The following VASH1 variants were observed in gnomAD, a reference collection of about 807,000 sequenced individuals.
VASH1 encodes tubulinyl-Tyr carboxypeptidase 1.
VASH1 carries 16 observed loss-of-function variants against 35.0 expected under a neutral mutation model. The observed-to-expected ratio is 0.46, with a 90% CI of 0.31 to 0.70. The LOEUF (loss-of-function observed/expected upper bound fraction) is 0.70. VASH1 is among the 30% of genes least tolerant of loss of function. The pLI is 0.05. For missense variants in VASH1, 505 were observed against 510.7 expected (o/e 0.99, Z 0.11); for synonymous variants, 214 against 200.9 (o/e 1.07, Z -0.55).
intron 1 of VASH1, among the ~76,000 whole-genome samples, chr14:76,764,521 TA>T (rs1893590376): frequency 6.6e-6 from 1 of 152,176 alleles, no homozygotes; most frequent in Non-Finnish European, 1.5e-5. Context: ...TTGACATTGG[TA>T]GGGGTCACCT....
Position 76,778,968 on chromosome 14 carries a change from T to G in VASH1, c.1048T>G (p.Ser350Ala). 6.2e-7 allele frequency: 1 copy of G among 1,614,180 alleles called. No homozygotes were observed. Among genetic ancestry groups the G allele is most frequent in the Non-Finnish European group, 8.5e-7 (1 of 1,180,026 alleles). ...ERRPSGDKKT[S>A]EPKAMPDLNG... ...CAGGCCCTCGGGTGACAAGAAGACT[T>G]CCGAGCCCAAAGCCATGCCAGACCT... Residue 350 changes from serine (S) to alanine (A), a missense_variant, in exon 7 of 7, where the codon TCC becomes GCC. Transcript: ENST00000167106.
intron 1 of VASH1, chr14:76,769,554 G>T: frequency 1.7e-6 from 2 of 1,182,516 alleles, no homozygotes; most frequent in Non-Finnish European, 2.2e-6. Flanking sequence ...TGGGACCCCG[G>T]ATATACCAGC....
Position 76,773,187 on chromosome 14 carries a change from G to A in VASH1, c.506G>A (p.Cys169Tyr). 6.2e-7 allele frequency: 1 copy of A among 1,614,120 alleles called. No homozygotes were observed. Among genetic ancestry groups the A allele is most frequent in the Non-Finnish European group, 8.5e-7 (1 of 1,180,022 alleles). ...EMTKEALPIK[C>Y]LEAVILGIYL... ...ACCAAAGAGGCCCTGCCAATCAAAT[G>A]CCTGGAAGCCGTGATCCTGGGAATG... The change falls in exon 4 of 7, where the codon TGC becomes TAC. Residue 169 changes from cysteine (C) to tyrosine (Y), a missense_variant. Coordinates refer to ENST00000167106, the MANE Select transcript of VASH1 (RefSeq NM_014909.5).
At position 76,773,561 on chromosome 14, in the gene VASH1, C is replaced by T. The variant is rs1052154441; in HGVS notation, c.530+350C>T. On this transcript the variant is annotated intron_variant, in intron 4 of 6. Coordinates refer to ENST00000167106, the MANE Select transcript of VASH1 (RefSeq NM_014909.5). ...CAAGAACTAGACAGTCTGGGAGGCA[C>T]AGTTGGAATGCCCAGATGTTGGCAT... 5 of 381,566 alleles carry T rather than the reference C, an allele frequency of 1.3e-5. No homozygotes were observed. In the Admixed American group the frequency reaches 1.3e-4, roughly 10 times the overall value. 23.6% of individuals were successfully genotyped at this position (381,566 alleles called of 1,614,324 possible). A position where few individuals can be genotyped will look rare whatever the true frequency, so the allele number is the denominator to read the frequency against.
At chr14:76,764,608 G>A (rs11627136) in intron 1 of VASH1, among the ~76,000 whole-genome samples, 1 of 151,654 alleles carries the variant, frequency 6.6e-6, no homozygotes. Flanking sequence ...TTGTGGGGAA[G>A]AAATGAGAGA....
chr14:76,769,477 G>T (rs1893732227), intron 1 of VASH1: 4 of 1,288,720 alleles, frequency 3.1e-6, no homozygotes, highest in Non-Finnish European at 4.0e-6. Context: ...TACTGGGTGG[G>T]TCCCCTACCA....
intron 6 of VASH1, 67 bp from the exon 7 acceptor site, chr14:76,778,879 G>C (rs1239492266): frequency 6.6e-7 from 1 of 1,514,258 alleles, no homozygotes. Context: ...GCCGCTGCTG[G>C]CTCCCCAACT....
Position 76,767,708 on chromosome 14 carries a change from G to T in VASH1, c.310-2255G>T, listed in dbSNP as rs556443753. The stretch of plus-strand genomic sequence containing the variant: ...TAGAATCTTTCTTATTTGTGTTTGA[G>T]TGAACGAGTCTATGTAGGTAATGAA... On this transcript the variant is annotated intron_variant, in intron 1 of 6. Coordinates refer to ENST00000167106, the MANE Select transcript of VASH1 (RefSeq NM_014909.5). Among the ~76,000 whole-genome samples the T allele has an allele frequency of 7.9e-5, 12 of 152,368 alleles. No homozygotes were observed. The East Asian group carries it at 2.3e-3, about 29-fold the overall frequency.
chr14:76,774,868 A>AC (rs1190595649), intron 4 of VASH1: 1 of 151,686 alleles, frequency 6.6e-6, no homozygotes, highest in South Asian at 2.1e-4. Context: ...TCACTGTGTG[A>AC]CCCCCAAGGA....
intron 3 of VASH1, among the ~76,000 whole-genome samples, chr14:76,772,390 A>C (rs1893816761): frequency 6.6e-6 from 1 of 152,194 alleles, no homozygotes; most frequent in Non-Finnish European, 1.5e-5. Context: ...CCCTGGATGG[A>C]GTCCACCCTC....
At chr14:76,778,587 C>T (rs1894011676) in intron 6 of VASH1, among the ~76,000 whole-genome samples, 1 of 152,168 alleles carries the variant, frequency 6.6e-6, no homozygotes, top group South Asian at 2.1e-4. Context: ...GGGTGGGGTA[C>T]TAAGCAGGCC....
chr14:76,777,951 G>A lies in VASH1; in HGVS notation c.913-8G>A. 1 of 1,500,366 alleles carries A rather than the reference G, an allele frequency of 6.7e-7. No homozygotes were observed. Among genetic ancestry groups the A allele is most frequent in the African/African-American group, 1.4e-5 (1 of 69,832 alleles). The allele number at this position is 1,500,366 out of a possible 1,614,324, so 92.9% of individuals were successfully genotyped here. On this transcript the variant is annotated splice_region_variant and splice_polypyrimidine_tract_variant and intron_variant, in intron 5 of 6. Coordinates refer to ENST00000167106, the MANE Select transcript of VASH1 (RefSeq NM_014909.5). Reference sequence around the variant, plus strand: ...GAGTGATGCTGTTGCTTCCTCCTCTGCACCTAGATTGGCAAAGGGACGGGC... The same window carrying A: ...GAGTGATGCTGTTGCTTCCTCCTCTACACCTAGATTGGCAAAGGGACGGGC...
chr14:76,761,560 G>A lies in VASH1; in HGVS notation c.-1262G>A, dbSNP rs1425722987. On this transcript the variant is annotated 5_prime_UTR_variant, in exon 1 of 7. Transcript: ENST00000167106. ...GGGGCGGCGGGGCTGCAGCAGCGGC[G>A]GCCCCAGCTTCGCCGAGCAGCGATC... 1.3e-5 allele frequency among the ~76,000 whole-genome samples: 2 copies of A among 152,022 alleles called. No homozygotes were observed. Among genetic ancestry groups the A allele is most frequent in the Non-Finnish European group, 2.9e-5 (2 of 67,968 alleles).
At chr14:76,778,878 G>A in intron 6 of VASH1, 68 bp from the exon 7 acceptor site, 1 of 1,515,566 alleles carries the variant, frequency 6.6e-7, no homozygotes, top group Non-Finnish European at 9.2e-7. Flanking sequence ...AGCCGCTGCT[G>A]GCTCCCCAAC....
chr14:76,766,519 C>G (rs1052378258), intron 1 of VASH1, among the ~76,000 whole-genome samples: 3 of 152,246 alleles, frequency 2.0e-5, no homozygotes, highest in Non-Finnish European at 2.9e-5. Flanking sequence ...TGGCTCACAG[C>G]AGCCTCTACC....
intron 1 of VASH1, among the ~76,000 whole-genome samples, chr14:76,767,576 G>A (rs1893678051): frequency 6.6e-6 from 1 of 152,126 alleles, no homozygotes; most frequent in African/African-American, 2.4e-5. Flanking sequence ...CCCTTACCGT[G>A]CCCCACTTAA....
At chr14:76,766,020 G>A (rs956883978) in intron 1 of VASH1, among the ~76,000 whole-genome samples, 4 of 152,196 alleles carry the variant, frequency 2.6e-5, no homozygotes, top group East Asian at 1.9e-4. Flanking sequence ...TCAGTTTTCC[G>A]CAGCTGTGAA....
intron 4 of VASH1, among the ~76,000 whole-genome samples, chr14:76,775,333 G>C (rs1344203492): frequency 6.6e-6 from 1 of 152,146 alleles, no homozygotes; most frequent in African/African-American, 2.4e-5. Context: ...GGCTGGAGAG[G>C]TGAGCAGGTG....
At chr14:76,767,626 G>GT (rs1259886146) in intron 1 of VASH1, among the ~76,000 whole-genome samples, 5 of 152,176 alleles carry the variant, frequency 3.3e-5, no homozygotes, top group African/African-American at 1.2e-4. Context: ...CCCGACTCCT[G>GT]TTTCGGAGGT....
Sources: allele counts gnomAD v4.1 joint callset (sites outside exome capture counted in the v4.1 genomes callset), GRCh38; gene constraint gnomAD v4.1.1; transcripts MANE v1.5; gene names NCBI Gene and HGNC (gene_info 2026-07-23, HGNC 2026-07-21).